Variants in USH1C observed in about 807,000 individuals in gnomAD.
USH1C encodes the protein USH1 protein network component harmonin.
USH1C carries 90 observed loss-of-function variants against 119.3 expected under a neutral mutation model. The observed-to-expected ratio is 0.75, with a 90% CI of 0.64 to 0.90. USH1C has a LOEUF of 0.90. USH1C is among the 40% of genes least tolerant of loss of function. The pLI is 0.00. For missense variants in USH1C, 1,165 were observed against 1,167.7 expected (o/e 1.00, Z 0.03); for synonymous variants, 465 against 443.3 (o/e 1.05, Z -0.62).
intron 25 of USH1C, 56 bp from the exon 26 acceptor site, chr11:17,495,733 G>A: frequency 6.3e-7 from 1 of 1,575,266 alleles, no homozygotes; most frequent in Non-Finnish European, 8.7e-7. Context: ...CTCCCAGGCA[G>A]AGCTCCATGG....
At position 17,494,145 on chromosome 11, in the gene USH1C, C is replaced by A; in HGVS notation, c.*187G>T. ...ATGGCTGGCTGCTCCCTTTCCTCCA[C>A]GTTGGCCTTCAGAAGAGTGGCCCGA... On this transcript the variant is annotated 3_prime_UTR_variant, in exon 27 of 27. Transcript: ENST00000005226. The A allele has an allele frequency of 1.5e-6, 1 of 677,534 alleles. No homozygotes were observed. The highest frequency in any genetic ancestry group is 2.4e-5 in the Admixed American group (1 of 41,190). The allele number at this position is 677,534 out of a possible 1,614,324, so 42.0% of individuals were successfully genotyped here. A position where few individuals can be genotyped will look rare whatever the true frequency, so the allele number is the denominator to read the frequency against.
chr11:17,538,431 A>G (rs552567965), intron 1 of USH1C, among the ~76,000 whole-genome samples: 2 of 152,264 alleles, frequency 1.3e-5, no homozygotes, highest in African/African-American at 4.8e-5. Flanking sequence ...ACACAGGGGA[A>G]CCATGGGACA....
Position 17,495,500 on chromosome 11 carries a change from C to T in USH1C, c.2655+69G>A, listed in dbSNP as rs568372311. The T allele has an allele frequency of 3.2e-5, 48 of 1,492,798 alleles. 1 individual carries two copies. The South Asian group carries it at 3.5e-4, about 11-fold the overall frequency. The allele number at this position is 1,492,798 out of a possible 1,614,324, so 92.5% of individuals were successfully genotyped here. A position where few individuals can be genotyped will look rare whatever the true frequency, so the allele number is the denominator to read the frequency against. On this transcript the variant is annotated intron_variant, in intron 26 of 26. Transcript: ENST00000005226. ...GCCAGTCCAAAGAACCTGCTGACAG[C>T]GTGGGCAGCAGATGGCCACTGCAAG...
chr11:17,521,011 A>C lies in USH1C; in HGVS notation c.1086-17T>G. 6.2e-7 allele frequency: 1 copy of C among 1,613,844 alleles called. No homozygotes were observed. Reference sequence around the variant, plus strand: ...TCTACAATCCTAAAATGAGACCCCCATGCCTGTTACTGGAGTCAGAACCCC... The same window carrying C: ...TCTACAATCCTAAAATGAGACCCCCCTGCCTGTTACTGGAGTCAGAACCCC... On this transcript the variant is annotated splice_polypyrimidine_tract_variant and intron_variant, in intron 13 of 26. Coordinates refer to ENST00000005226, the MANE Select transcript of USH1C (RefSeq NM_153676.4).
In USH1C at chr11:17,522,918, C is replaced by A; in HGVS notation, c.885G>T (p.Glu295Asp). 1 of 1,611,498 alleles carries A rather than the reference C, an allele frequency of 6.2e-7. No homozygotes were observed. Among genetic ancestry groups the A allele is most frequent in the Admixed American group, 1.7e-5 (1 of 59,632 alleles). ...GCCGCTCCCGGTCTGTCATGAACAG[C>A]TCCCGGCCCTCATGGGAGAAAAGAG... Reference protein sequence around the residue: ...TISIVAAAGRELFMTDRERLA... With the variant: ...TISIVAAAGRDLFMTDRERLA... The change falls in exon 12 of 27, where the codon GAG becomes GAT. Residue 295 changes from glutamate to aspartate, a missense_variant. Coordinates refer to ENST00000005226, the MANE Select transcript of USH1C (RefSeq NM_153676.4).
chr11:17,541,175 C>T (rs7113935), intron 1 of USH1C, among the ~76,000 whole-genome samples: 88,632 of 151,944 alleles, frequency 0.58, 26,164 homozygotes, highest in African/African-American at 0.67. Flanking sequence ...CCTACCTTGT[C>T]ACTTACTATC....
At chr11:17,533,806 C>CT (rs1851109037) in intron 1 of USH1C, 2 of 455,950 alleles carry the variant, frequency 4.4e-6, no homozygotes, top group Non-Finnish European at 8.8e-6. Flanking sequence ...CCAGAAGCCC[C>CT]TTACCACCGA....
At chr11:17,516,625 T>G (rs1431583861) in intron 14 of USH1C, 3 of 390,264 alleles carry the variant, frequency 7.7e-6, no homozygotes, top group Non-Finnish European at 1.5e-5. Flanking sequence ...CAAATCACAG[T>G]CTTCACATAC....
chr11:17,494,909 A>T (rs1441468484), intron 26 of USH1C: 2 of 233,920 alleles, frequency 8.5e-6, no homozygotes, highest in African/African-American at 2.2e-5. Context: ...GTTCCACGGT[A>T]TATCCCACAG....
chr11:17,527,274 C>G lies in USH1C; in HGVS notation c.445G>C (p.Glu149Gln). ...GYSISSCTHE[E>Q]VINLIRTKKT... ...TTGGTTCGAATGAGGTTGATGACCT[C>G]CTCATGGGTACAGGAGGAGATGGAA... Residue 149 changes from glutamate (E) to glutamine (Q), a missense_variant, in exon 5 of 27, where the codon GAG (glutamate) becomes CAG (glutamine). By Grantham distance (29) the Glu-to-Gln change is conservative. Coordinates refer to ENST00000005226, the MANE Select transcript of USH1C (RefSeq NM_153676.4). 6.2e-7 allele frequency: 1 copy of G among 1,612,900 alleles called. No homozygotes were observed. Among genetic ancestry groups the G allele is most frequent in the Non-Finnish European group, 8.5e-7 (1 of 1,179,648 alleles).
intron 23 of USH1C, among the ~76,000 whole-genome samples, 179 bp downstream of exon 23, chr11:17,500,872 C>T (rs1417444853): frequency 6.6e-6 from 1 of 152,190 alleles, no homozygotes; most frequent in Non-Finnish European, 1.5e-5. Context: ...ACTCACAGGT[C>T]CCGGCGCCAT....
At chr11:17,507,156 C>T (rs1363051726) in intron 18 of USH1C, among the ~76,000 whole-genome samples, 1 of 152,182 alleles carries the variant, frequency 6.6e-6, no homozygotes, top group Non-Finnish European at 1.5e-5. Flanking sequence ...ACTCACACTT[C>T]CTGCTGCAGC....
chr11:17,533,762 T>C (rs1277879861), intron 1 of USH1C: 1 of 460,164 alleles, frequency 2.2e-6, no homozygotes, highest in Admixed American at 2.3e-5. Flanking sequence ...CAGGAAGGAT[T>C]TGGGCCACTC....
intron 1 of USH1C, among the ~76,000 whole-genome samples, chr11:17,537,610 G>A (rs1321426250): frequency 1.3e-5 from 2 of 152,104 alleles, no homozygotes; most frequent in Non-Finnish European, 2.9e-5. Context: ...TCACAAAAAA[G>A]TAGGTCCCAG....
chr11:17,523,118 A>G (rs997062739), intron 11 of USH1C, 93 bp downstream of exon 11: 12 of 1,590,402 alleles, frequency 7.5e-6, no homozygotes, highest in Non-Finnish European at 1.0e-5. Flanking sequence ...AGGGAAGGAG[A>G]CCAGCCACCC....
chr11:17,525,671 C>T (rs926562817), intron 8 of USH1C, among the ~76,000 whole-genome samples: 22 of 152,156 alleles, frequency 1.4e-4, no homozygotes, highest in Admixed American at 1.1e-3. Flanking sequence ...AGTGTCTGTT[C>T]GGAATTCCCT....
chr11:17,534,210 T>C (rs1032028725), intron 1 of USH1C, among the ~76,000 whole-genome samples: 53 of 152,214 alleles, frequency 3.5e-4, no homozygotes, highest in African/African-American at 1.2e-3. Context: ...CAGCCCTTCA[T>C]AGAGAGGCTG....
rs1381465423 is a variant in USH1C, at chr11:17,510,521, C to T, written c.1414G>A (p.Val472Met). Residue 472 changes from valine (V) to methionine (M), a missense_variant and splice_region_variant, in exon 17 of 27, where the codon GTG (valine) becomes ATG (methionine). Physicochemically the swap from Val to Met is conservative, Grantham distance 21. Transcript: ENST00000005226. ...QLKINRLAQE[V>M]SETEREDLEE... is the part of the protein sequence containing the mutation. ...AGGTCTTCCCGCTCTGTCTCAGACA[C>T]CTGGGACCCAGGATCGGCGCAGAAA... The T allele has an allele frequency of 1.2e-6, 2 of 1,611,094 alleles. No individual in the cohort carries two copies. The highest frequency in any genetic ancestry group is 1.7e-6 in the Non-Finnish European group (2 of 1,177,268).
chr11:17,535,204 C>T (rs145999420), intron 1 of USH1C, among the ~76,000 whole-genome samples: 1 of 152,310 alleles, frequency 6.6e-6, no homozygotes. Flanking sequence ...AACCTAAATC[C>T]AAACTCCTTA....
Sources: gnomAD v4.1 joint callset for allele counts (sites outside exome capture counted in the v4.1 genomes callset) on GRCh38, gnomAD v4.1.1 for gene constraint, MANE v1.5 for transcripts, NCBI Gene and HGNC (gene_info 2026-07-23, HGNC 2026-07-21) for gene names.